Variants in CDIN1 observed in about 807,000 individuals in gnomAD.
CDIN1 encodes the protein CDAN1-interacting nuclease 1.
A neutral mutation model predicts 45.3 loss-of-function variants in CDIN1; 33 were observed. The ratio of observed to expected loss-of-function variants is 0.73; its 90% CI spans 0.55 to 0.97. The LOEUF is 0.97. CDIN1 is among the 50% of genes least tolerant of loss of function. CDIN1 has a pLI of 0.00. For synonymous variants in CDIN1, 118 were observed against 124.4 expected (o/e 0.95, Z 0.34); for missense variants, 303 against 339.4 (o/e 0.89, Z 0.84).
chr15:36,772,664 C>T (rs1354438843), intron 10 of CDIN1, among the ~76,000 whole-genome samples: 2 of 152,162 alleles, frequency 1.3e-5, no homozygotes, highest in Non-Finnish European at 2.9e-5. Flanking sequence ...CTGATAGATA[C>T]ATACTGAGGA....
intron 10 of CDIN1, among the ~76,000 whole-genome samples, chr15:36,711,711 A>C (rs1266901967): frequency 6.6e-6 from 1 of 152,208 alleles, no homozygotes; most frequent in Admixed American, 6.6e-5. Context: ...GTGATACGGG[A>C]ATGTTAGCCT....
At chr15:36,770,729 G>A (rs1184882721) in intron 10 of CDIN1, among the ~76,000 whole-genome samples, 7 of 152,276 alleles carry the variant, frequency 4.6e-5, no homozygotes, top group Admixed American at 1.3e-4. Flanking sequence ...GATTACAGGC[G>A]TGAGCCACCA....
intron 3 of CDIN1, among the ~76,000 whole-genome samples, chr15:36,653,087 C>T (rs1484881681): frequency 6.6e-6 from 1 of 152,100 alleles, no homozygotes; most frequent in Non-Finnish European, 1.5e-5. Flanking sequence ...ATACAATTCT[C>T]CAACCTTCAT....
chr15:36,720,598 G>T (rs2043379436), intron 10 of CDIN1, among the ~76,000 whole-genome samples: 1 of 152,124 alleles, frequency 6.6e-6, no homozygotes, highest in African/African-American at 2.4e-5. Flanking sequence ...CCCTGGAAAG[G>T]AAATGAACTC....
intron 10 of CDIN1, among the ~76,000 whole-genome samples, chr15:36,739,481 G>A (rs954906111): frequency 1.3e-5 from 2 of 152,074 alleles, no homozygotes; most frequent in Non-Finnish European, 2.9e-5. Context: ...TCTCTCCCTC[G>A]CTTTGGTTTT....
chr15:36,646,811 C>T (rs559467708), intron 3 of CDIN1, among the ~76,000 whole-genome samples: 39 of 152,042 alleles, frequency 2.6e-4, no homozygotes, highest in Admixed American at 7.2e-4. Flanking sequence ...CCTGGAAATT[C>T]GGAGATCCAC....
At position 36,800,859 on chromosome 15, in the gene CDIN1, ATGTGTGTGTGTGTGTATATATGTGTGTG is replaced by A. The variant is rs1282455883; in HGVS notation, c.717-7449_717-7422del. Among the ~76,000 whole-genome samples, 8 of 93,736 alleles carry A rather than the reference ATGTGTGTGTGTGTGTATATATGTGTGTG, an allele frequency of 8.5e-5. No homozygotes were observed. In the South Asian group the frequency reaches 1.3e-3, roughly 15 times the overall value. The allele number at this position is 93,736 out of a possible 152,430, so 61.5% of individuals were successfully genotyped here. A position where few individuals can be genotyped will look rare whatever the true frequency, so the allele number is the denominator to read the frequency against. The stretch of plus-strand genomic sequence containing the variant: ...TATATATATGATTATGATTATACAT[ATGTGTGTGTGTGTGTATATATGTGTGTG>A]TGTGTGTGTGTGTGTGTGTGTGTAT... On this transcript the variant is annotated intron_variant, in intron 10 of 10. Transcript: ENST00000566621.
At chr15:36,617,937 A>G in intron 1 of CDIN1, 1 of 764,588 alleles carries the variant, frequency 1.3e-6, no homozygotes, top group Non-Finnish European at 2.4e-6. Flanking sequence ...AATTGTTACT[A>G]ATTAATGGAT....
intron 1 of CDIN1, among the ~76,000 whole-genome samples, chr15:36,587,488 T>C (rs2037360349): frequency 6.6e-6 from 1 of 152,080 alleles, no homozygotes; most frequent in Non-Finnish European, 1.5e-5. Flanking sequence ...GTGGTGAACT[T>C]AGGAGTCCAA....
chr15:36,602,983 C>CAAAA (rs60188895), intron 1 of CDIN1, among the ~76,000 whole-genome samples: 1 of 130,116 alleles, frequency 7.7e-6, no homozygotes. Context: ...GACTCCGTCT[C>CAAAA]AAAAAAAAAA....
chr15:36,763,845 G>A (rs933222842), intron 10 of CDIN1, among the ~76,000 whole-genome samples: 5 of 152,186 alleles, frequency 3.3e-5, no homozygotes, highest in African/African-American at 1.2e-4. Flanking sequence ...TTCAGCAGCT[G>A]TGGCTTCTAG....
At chr15:36,683,884 T>C (rs1266525067) in intron 5 of CDIN1, among the ~76,000 whole-genome samples, 1 of 129,124 alleles carries the variant, frequency 7.7e-6, no homozygotes, top group Non-Finnish European at 1.7e-5. Flanking sequence ...CTGTCTGTTG[T>C]TGGTGTATAA....
chr15:36,625,176 G>A (rs1355401430), intron 1 of CDIN1, among the ~76,000 whole-genome samples: 3 of 152,014 alleles, frequency 2.0e-5, no homozygotes, highest in Non-Finnish European at 4.4e-5. Context: ...AGCTACTTGG[G>A]AGGCTGAGGC....
At chr15:36,680,729 G>A (rs2041822471) in intron 5 of CDIN1, among the ~76,000 whole-genome samples, 1 of 152,122 alleles carries the variant, frequency 6.6e-6, no homozygotes, top group Non-Finnish European at 1.5e-5. Context: ...CTACTTTCTT[G>A]GAGAAAATGG....
At chr15:36,633,037 G>C (rs2039744728) in intron 1 of CDIN1, among the ~76,000 whole-genome samples, 1 of 152,140 alleles carries the variant, frequency 6.6e-6, no homozygotes, top group African/African-American at 2.4e-5. Flanking sequence ...AAAAGGGTGG[G>C]ACTTAGAGCA....
At chr15:36,712,207 T>C (rs17499628) in intron 10 of CDIN1, among the ~76,000 whole-genome samples, 12,389 of 151,366 alleles carry the variant, frequency 0.082, 651 homozygotes, top group Non-Finnish European at 0.12. Context: ...TATTTTCAGA[T>C]TAAAGATTGG....
At chr15:36,591,901 G>A (rs943468418) in intron 1 of CDIN1, 4 of 152,202 alleles carry the variant, frequency 2.6e-5, no homozygotes, top group Non-Finnish European at 5.9e-5. Flanking sequence ...GGCCAGGCAA[G>A]TATCAACAAC....
At chr15:36,727,722 CATT>C (rs1295854970) in intron 10 of CDIN1, among the ~76,000 whole-genome samples, 2 of 152,210 alleles carry the variant, frequency 1.3e-5, no homozygotes, top group Non-Finnish European at 2.9e-5. Context: ...AAAGGTGAAA[CATT>C]GTTGTTATTC....
chr15:36,689,922 G>A (rs936333400), intron 5 of CDIN1, among the ~76,000 whole-genome samples: 5 of 152,036 alleles, frequency 3.3e-5, no homozygotes, highest in South Asian at 2.1e-4. Flanking sequence ...ACTTTATTTC[G>A]GTAGTCAGCT....
Sources: gnomAD v4.1 joint callset for allele counts (sites outside exome capture counted in the v4.1 genomes callset) on GRCh38, gnomAD v4.1.1 for gene constraint, MANE v1.5 for transcripts, NCBI Gene and HGNC (gene_info 2026-07-23, HGNC 2026-07-21) for gene names.